The following CAPZB variants were observed in gnomAD, a reference collection of about 807,000 sequenced individuals.
CAPZB encodes the protein capping actin protein of muscle Z-line subunit beta.
Under a neutral mutation model 38.1 loss-of-function variants are expected in CAPZB, and 2 were observed. The observed-to-expected ratio is 0.05, with a 90% CI of 0.02 to 0.17. CAPZB has a LOEUF of 0.17. CAPZB is among the 10% of genes least tolerant of loss of function. CAPZB has a pLI of 1.00. For missense variants in CAPZB, 161 were observed against 334.2 expected (o/e 0.48, Z 4.04); for synonymous variants, 107 against 127.4 (o/e 0.84, Z 1.08).
intron 1 of CAPZB, among the ~76,000 whole-genome samples, chr1:19,463,029 T>C (rs531653662): frequency 5.3e-5 from 8 of 152,172 alleles, no homozygotes; most frequent in Non-Finnish European, 1.0e-4. Context: ...AGAGAAGATA[T>C]CATTAATGTG....
chr1:19,448,389 G>A (rs1002621448), intron 1 of CAPZB, among the ~76,000 whole-genome samples: 1 of 152,196 alleles, frequency 6.6e-6, no homozygotes, highest in Non-Finnish European at 1.5e-5. Flanking sequence ...GCCCCAAGTT[G>A]AGGAGTGTTT....
chr1:19,370,622 G>T (rs762152263), intron 4 of CAPZB, among the ~76,000 whole-genome samples: 1 of 152,132 alleles, frequency 6.6e-6, no homozygotes. Flanking sequence ...GAGAAGGAAG[G>T]CCACACTGTT....
intron 1 of CAPZB, among the ~76,000 whole-genome samples, chr1:19,471,847 C>A (rs1006268345): frequency 2.8e-5 from 3 of 107,522 alleles, no homozygotes; most frequent in East Asian, 2.9e-4. Context: ...GCCTGGGAGA[C>A]AAAGCGAGAC....
intron 1 of CAPZB, among the ~76,000 whole-genome samples, chr1:19,468,308 CTT>C (rs889103437): frequency 3.3e-4 from 51 of 152,276 alleles, no homozygotes; most frequent in African/African-American, 1.1e-3. Context: ...ACACAATAAA[CTT>C]TTATTTAATG....
chr1:19,388,228 C>A (rs1195020960), intron 2 of CAPZB, among the ~76,000 whole-genome samples: 1 of 152,240 alleles, frequency 6.6e-6, no homozygotes, highest in Admixed American at 6.5e-5. Context: ...TAGCACTTAA[C>A]ACCAGGTGGA....
chr1:19,372,229 A>G (rs2094123031), intron 4 of CAPZB, among the ~76,000 whole-genome samples: 1 of 152,252 alleles, frequency 6.6e-6, no homozygotes, highest in Non-Finnish European at 1.5e-5. Context: ...ATTTCAATCA[A>G]TTGCACACCC....
intron 1 of CAPZB, among the ~76,000 whole-genome samples, chr1:19,476,340 G>A (rs180934237): frequency 1.1e-4 from 17 of 152,236 alleles, no homozygotes; most frequent in East Asian, 9.7e-4. Flanking sequence ...TGCTTGAGCC[G>A]AGGAGGCTGA....
intron 1 of CAPZB, among the ~76,000 whole-genome samples, chr1:19,481,722 C>T (rs1210031075): frequency 6.6e-6 from 1 of 152,200 alleles, no homozygotes; most frequent in Non-Finnish European, 1.5e-5. Flanking sequence ...CACCCAATGG[C>T]AGACACAAGA....
intron 1 of CAPZB, among the ~76,000 whole-genome samples, chr1:19,434,338 A>G (rs1309081852): frequency 1.3e-5 from 2 of 152,180 alleles, no homozygotes; most frequent in Admixed American, 1.3e-4. Context: ...CCTATCTTAC[A>G]GGGTTATTTT....
chr1:19,355,153 C>T (rs214344), intron 6 of CAPZB, among the ~76,000 whole-genome samples: 1 of 151,934 alleles, frequency 6.6e-6, no homozygotes, highest in East Asian at 1.9e-4. Flanking sequence ...TTTTTCAATG[C>T]ATGTAGATGT....
rs1458882231 is a variant in CAPZB at position 19,357,599 on chromosome 1, A to G, written c.330-36T>C. On this transcript the variant is annotated intron_variant, in intron 4 of 8. Transcript: ENST00000264202. This position sits in a 1 kb window ranked among gnomAD's most constrained non-coding sequence, Gnocchi z 4.3. ...CAGGCCAATGTGCCTGTTAGATGCT[A>G]AAGGACAGATCATCAGCCTGGGTCC... The G allele has an allele frequency of 1.2e-6, 2 of 1,611,368 alleles. No homozygotes were observed. The highest frequency in any genetic ancestry group is 2.2e-5 in the East Asian group (1 of 44,854).
chr1:19,380,773 G>A (rs986721364), intron 3 of CAPZB, among the ~76,000 whole-genome samples: 16 of 152,154 alleles, frequency 1.1e-4, no homozygotes, highest in African/African-American at 3.6e-4. Flanking sequence ...CCTCAGCTAG[G>A]AGGCGGCAAG....
At chr1:19,411,845 C>A (rs988255133) in intron 2 of CAPZB, among the ~76,000 whole-genome samples, 5 of 152,284 alleles carry the variant, frequency 3.3e-5, no homozygotes, top group African/African-American at 1.2e-4. Flanking sequence ...TGCCTGGCTG[C>A]CACCTGGACA....
intron 3 of CAPZB, among the ~76,000 whole-genome samples, chr1:19,379,594 C>T (rs998340827): frequency 6.6e-6 from 1 of 152,222 alleles, no homozygotes; most frequent in Admixed American, 6.5e-5. Context: ...AGGTTCTCCA[C>T]GTGAACACAG....
chr1:19,484,179 G>A, intron 1 of CAPZB: 2 of 1,610,568 alleles, frequency 1.2e-6, no homozygotes, highest in African/African-American at 2.7e-5. Context: ...CTCCCTAGGC[G>A]TTCTGCTCAC....
intron 1 of CAPZB, among the ~76,000 whole-genome samples, chr1:19,448,161 G>A (rs1405293531): frequency 1.3e-5 from 2 of 152,212 alleles, no homozygotes; most frequent in Non-Finnish European, 2.9e-5. Flanking sequence ...TATAGGATGG[G>A]AAGCCAAAAT....
chr1:19,457,951 T>C (rs193050441), intron 1 of CAPZB, among the ~76,000 whole-genome samples: 1 of 152,298 alleles, frequency 6.6e-6, no homozygotes, highest in Admixed American at 6.5e-5. Flanking sequence ...AAACAGCCAG[T>C]AAGCAATGAT....
Position 19,357,867 on chromosome 1 carries a change from T to G in CAPZB, c.330-304A>C, listed in dbSNP as rs1015880519. Among the ~76,000 whole-genome samples the G allele has an allele frequency of 1.3e-5, 2 of 152,168 alleles. No homozygotes were observed. The highest frequency in any genetic ancestry group is 1.5e-5 in the Non-Finnish European group (1 of 68,044). ...CGTCACACTCCTCCCAGATAAAGAA[T>G]GCAGCACGACTGACATCCAGTGACA... On this transcript the variant is annotated intron_variant, in intron 4 of 8. Coordinates refer to ENST00000264202, the MANE Select transcript of CAPZB (RefSeq NM_004930.5). This position sits in a 1 kb window ranked among gnomAD's most constrained non-coding sequence, Gnocchi z 4.3.
chr1:19,364,656 T>A (rs749596650), intron 4 of CAPZB, among the ~76,000 whole-genome samples: 15 of 152,154 alleles, frequency 9.9e-5, no homozygotes, highest in Non-Finnish European at 1.9e-4. Flanking sequence ...ATGTCCTTCA[T>A]AAAAGAACAG....
Sources: allele counts gnomAD v4.1 joint callset (sites outside exome capture counted in the v4.1 genomes callset), GRCh38; gene constraint gnomAD v4.1.1; non-coding constraint Gnocchi (gnomAD v3.1); transcripts MANE v1.5; gene names NCBI Gene and HGNC (gene_info 2026-07-23, HGNC 2026-07-21).